INTS1: variants seen among roughly 807,000 people sequenced by gnomAD.
INTS1 encodes the protein integrator complex subunit 1.
Under a neutral mutation model 241.6 loss-of-function variants are expected in INTS1, and 137 were observed. That is an observed-to-expected ratio of 0.57 (90% CI 0.49 to 0.65). INTS1 has a LOEUF of 0.65. INTS1 is among the 30% of genes least tolerant of loss of function. The pLI is 0.00. For missense variants in INTS1, 3,073 were observed against 3,032.2 expected, an observed-to-expected ratio of 1.01 and a Z score of -0.32; for synonymous variants, 1,692 against 1,337.8, an observed-to-expected ratio of 1.26 and a Z score of -5.78.
rs954301576 is a variant in INTS1 at position 1,504,002 on chromosome 7, C to A, written c.-41-1G>T. On this transcript the variant is annotated splice_acceptor_variant, in intron 1 of 47. Transcript: ENST00000404767. LOFTEE classifies it low-confidence loss of function (5UTR_SPLICE). ...CGGCTCCCGGCGGCTGCGGCGTCAC[C>A]TGCGGAGGAGCCAGCGTGCGGTCAT... is the stretch of plus-strand genomic sequence containing the variant. The A allele has an allele frequency of 2.7e-6, 4 of 1,467,188 alleles. No individual in the cohort carries two copies. In the African/African-American group the frequency reaches 4.3e-5, roughly 16 times the overall value. The allele number at this position is 1,467,188 out of a possible 1,614,324, so 90.9% of individuals were successfully genotyped here. A position where few individuals can be genotyped will look rare whatever the true frequency, so the allele number is the denominator to read the frequency against.
rs1782420388 is a variant in INTS1 at position 1,489,056 on chromosome 7, C to T, written c.2318+288G>A. 2.0e-5 allele frequency among the ~76,000 whole-genome samples: 3 copies of T among 152,212 alleles called. No homozygotes were observed. The South Asian group carries it at 6.2e-4, about 32-fold the overall frequency. On this transcript the variant is annotated intron_variant, in intron 18 of 47. Transcript: ENST00000404767. The stretch of plus-strand genomic sequence containing the variant: ...CCACCCCCAGCCTGCCCAGTCCCCA[C>T]TCCTGTCGGCAGCATAAGCGCTGCC...
At chr7:1,485,661 C>A (rs573983973) in intron 22 of INTS1, 192 bp from the exon 23 acceptor site, 2 of 624,664 alleles carry the variant, frequency 3.2e-6, no homozygotes, top group South Asian at 4.0e-5. Context: ...TGTTCAAGTT[C>A]CTGAAGCCAC....
intron 10 of INTS1, 112 bp downstream of exon 10, chr7:1,498,300 A>G: frequency 6.7e-7 from 1 of 1,483,270 alleles, no homozygotes; most frequent in Non-Finnish European, 9.1e-7. Context: ...ACCGAGGAGC[A>G]TTCTCCCACG....
At chr7:1,501,510 G>A (rs1371648310) in intron 3 of INTS1, among the ~76,000 whole-genome samples, 5 of 152,088 alleles carry the variant, frequency 3.3e-5, no homozygotes, top group African/African-American at 9.7e-5. Flanking sequence ...CTGTTTTGCT[G>A]AGAATAATAC....
chr7:1,476,403 A>G lies in INTS1; in HGVS notation c.5204T>C (p.Leu1735Pro), dbSNP rs765138489. The part of the protein sequence containing the change: ...LRVQGPELIS[L>P]VELILAEAET... ...CGCCTCGGCCAGGATCAGCTCCACC[A>G]GGCTGATGAGCTCCGGGCCCTGGAC... Residue 1735 changes from leucine (L) to proline (P), a missense_variant, in exon 38 of 48, where the codon CTG becomes CCG. Physicochemically the swap from Leu to Pro is moderately conservative, Grantham distance 98. Coordinates refer to ENST00000404767, the MANE Select transcript of INTS1 (RefSeq NM_001080453.3). 1.3e-6 allele frequency: 2 copies of G among 1,576,010 alleles called. No individual in the cohort carries two copies. Among genetic ancestry groups the G allele is most frequent in the South Asian group, 1.1e-5 (1 of 87,390 alleles).
At chr7:1,486,474 A>G in intron 22 of INTS1, 151 bp downstream of exon 22, 1 of 807,400 alleles carries the variant, frequency 1.2e-6, no homozygotes, top group Non-Finnish European at 1.9e-6. Flanking sequence ...CATGTTGGCC[A>G]GGCTGGTCTC....
chr7:1,485,613 G>C (rs1373309379), intron 22 of INTS1, 144 bp from the exon 23 acceptor site: 2 of 802,386 alleles, frequency 2.5e-6, no homozygotes, highest in South Asian at 1.8e-5. Flanking sequence ...GCAGGTAAAA[G>C]GGAAAAACGA....
chr7:1,478,297 T>C (rs1362405705), intron 33 of INTS1, 69 bp downstream of exon 33: 8 of 1,556,038 alleles, frequency 5.1e-6, no homozygotes, highest in African/African-American at 2.7e-5. Flanking sequence ...ACTGGGCAGC[T>C]AGAAGGAGCC....
intron 3 of INTS1, among the ~76,000 whole-genome samples, chr7:1,502,068 A>G (rs1367513595): frequency 6.6e-6 from 1 of 152,160 alleles, no homozygotes; most frequent in African/African-American, 2.4e-5. Context: ...CCTGAGGGCA[A>G]GGCCACAGCC....
chr7:1,491,554 A>G (rs573743773), intron 16 of INTS1, among the ~76,000 whole-genome samples: 8 of 152,348 alleles, frequency 5.3e-5, no homozygotes, highest in Non-Finnish European at 8.8e-5. Context: ...ACATGACACA[A>G]AAGCACAGAA....
intron 13 of INTS1, 115 bp downstream of exon 13, chr7:1,495,318 G>T: frequency 3.1e-6 from 4 of 1,278,538 alleles, no homozygotes; most frequent in Non-Finnish European, 3.2e-6. Flanking sequence ...CAGGGGCTGT[G>T]CGGGGCCTGG....
chr7:1,474,923 G>A (rs911122682), intron 39 of INTS1, 85 bp from the exon 40 acceptor site: 5 of 1,483,884 alleles, frequency 3.4e-6, no homozygotes, highest in East Asian at 5.0e-5. Flanking sequence ...AGCTGTGGCC[G>A]TGATCCACCG....
Position 1,474,330 on chromosome 7 carries a change from G to T in INTS1, c.5667C>A (p.His1889Gln), listed in dbSNP as rs188391513. ...CCTGGAAGTTGAGGTGGGTGCGGCC[G>T]TGCAGGAGCGCCGCGATCATGGGCA... ...RHLPMIAALL[H>Q]GRTHLNFQEF... Residue 1889 changes from histidine to glutamine, a missense_variant, in exon 41 of 48, where the codon CAC (histidine) becomes CAA (glutamine). His to Gln is a conservative substitution (Grantham distance 24, BLOSUM62 0). Coordinates refer to ENST00000404767, the MANE Select transcript of INTS1 (RefSeq NM_001080453.3). 1.2e-5 allele frequency: 19 copies of T among 1,603,998 alleles called. No individual in the cohort carries two copies. Among genetic ancestry groups the T allele is most frequent in the Non-Finnish European group, 1.5e-5 (18 of 1,176,850 alleles).
At chr7:1,483,607 G>A (rs1782099967) in intron 26 of INTS1, 135 bp downstream of exon 26, 1 of 723,986 alleles carries the variant, frequency 1.4e-6, no homozygotes, top group Non-Finnish European at 2.5e-6. Context: ...TAGGAGAGAA[G>A]CCAGGACACA....
At chr7:1,477,211 C>T (rs1781765321) in intron 35 of INTS1, among the ~76,000 whole-genome samples, 1 of 152,226 alleles carries the variant, frequency 6.6e-6, no homozygotes, top group Admixed American at 6.5e-5. Flanking sequence ...CCTGCCCTCC[C>T]TTCTCCTGGC....
intron 10 of INTS1, among the ~76,000 whole-genome samples, chr7:1,498,042 G>C (rs542962720): frequency 2.8e-5 from 3 of 107,396 alleles, no homozygotes; most frequent in Admixed American, 1.6e-4. Context: ...AATAAGACCC[G>C]GTCTCCACAA....
Position 1,500,225 on chromosome 7 carries a change from A to T in INTS1, c.491T>A (p.Leu164His). 6.2e-7 allele frequency: 1 copy of T among 1,604,618 alleles called. No homozygotes were observed. Among genetic ancestry groups the T allele is most frequent in the Non-Finnish European group, 8.5e-7 (1 of 1,174,610 alleles). ...GGGCTTGATCTTGGCCAGGTACATGAGGCTCAGGTAGAGGGTGCTGTCAGG... is the reference window on the plus strand; with the variant it reads ...GGGCTTGATCTTGGCCAGGTACATGTGGCTCAGGTAGAGGGTGCTGTCAGG... ...AKPDSTLYLS[L>H]MYLAKIKPNI... The change falls in exon 4 of 48, where the codon CTC becomes CAC. Residue 164 changes from leucine (L) to histidine (H), a missense_variant. Physicochemically the swap from Leu to His is moderately conservative, Grantham distance 99. Transcript: ENST00000404767.
intron 26 of INTS1, chr7:1,483,415 T>G (rs1470307039): frequency 4.7e-6 from 2 of 421,706 alleles, no homozygotes; most frequent in East Asian, 4.9e-5. Flanking sequence ...AATCCCGAGT[T>G]TGCCGCCTCC....
rs1356491164 is a variant in INTS1 at position 1,479,483 on chromosome 7, G to C, written c.4276C>G (p.His1426Asp). ...GGGCAGGCCAGGAAGTGGCTACGGT[G>C]CATGGACATCACCAGGGCACCGCCG... The part of the protein sequence containing the change: ...PHGGALVMSM[H>D]RSHFLACPLL... Residue 1426 changes from histidine (H) to aspartate (D), a missense_variant, in exon 31 of 48, where the codon CAC (histidine) becomes GAC (aspartate). His to Asp is a moderately conservative substitution (Grantham distance 81). Transcript: ENST00000404767. 1.3e-6 allele frequency: 2 copies of C among 1,577,374 alleles called. No homozygotes were observed. The highest frequency in any genetic ancestry group is 1.7e-6 in the Non-Finnish European group (2 of 1,162,838).
Sources: gnomAD v4.1 joint callset for allele counts (sites outside exome capture counted in the v4.1 genomes callset) on GRCh38, gnomAD v4.1.1 for gene constraint, MANE v1.5 for transcripts, NCBI Gene and HGNC (gene_info 2026-07-23, HGNC 2026-07-21) for gene names.